Variants in PBX1 observed in about 807,000 individuals in gnomAD.
The protein encoded by PBX1 is pre-B-cell leukemia transcription factor 1.
PBX1 carries 6 observed loss-of-function variants against 53.4 expected under a neutral mutation model. The observed-to-expected ratio is 0.11, with a 90% CI of 0.06 to 0.22. The LOEUF (loss-of-function observed/expected upper bound fraction) is 0.22. Ranked by LOEUF, PBX1 falls within the 10% of genes least tolerant of loss-of-function variation. The probability of loss-of-function intolerance (pLI) is 1.00; values close to 1 mark genes in which losing one functional copy is unlikely to be tolerated. For synonymous variants in PBX1, 204 were observed against 212.3 expected, an observed-to-expected ratio of 0.96 and a Z score of 0.34; for missense variants, 251 against 551.4, an observed-to-expected ratio of 0.46 and a Z score of 5.46.
At chr1:164,646,797 A>G (rs1270298866) in intron 2 of PBX1, among the ~76,000 whole-genome samples, 1 of 152,212 alleles carries the variant, frequency 6.6e-6, no homozygotes, top group Non-Finnish European at 1.5e-5. Flanking sequence ...ATTTCAGTAC[A>G]TGCAGTTTTT....
chr1:164,879,558 T>C (rs569467476), intron 2 of PBX1, among the ~76,000 whole-genome samples: 1 of 152,286 alleles, frequency 6.6e-6, no homozygotes, highest in East Asian at 1.9e-4. Context: ...TGTTTGAAGA[T>C]AACTGAGCCC....
intron 2 of PBX1, among the ~76,000 whole-genome samples, chr1:164,655,176 C>T (rs375356528): frequency 1.4e-4 from 21 of 148,616 alleles, no homozygotes; most frequent in Admixed American, 5.4e-4. Context: ...TGCAATGGTG[C>T]GATCTCAGCT....
At chr1:164,825,156 C>T (rs1454425137) in intron 8 of PBX1, among the ~76,000 whole-genome samples, 1 of 151,756 alleles carries the variant, frequency 6.6e-6, no homozygotes, top group Admixed American at 6.6e-5. Context: ...TTTCCCCTTA[C>T]ATTTACTCAT....
chr1:164,592,940 C>T (rs545389893), intron 2 of PBX1, among the ~76,000 whole-genome samples: 18 of 151,946 alleles, frequency 1.2e-4, no homozygotes, highest in African/African-American at 4.3e-4. Flanking sequence ...TTGTATGTAG[C>T]ACACAATCCT....
At position 164,846,921 on chromosome 1, in the gene PBX1, GT is replaced by G. The variant is rs1558043065; in HGVS notation, c.*249del. 7.3e-7 allele frequency: 1 copy of G among 1,363,272 alleles called. No homozygotes were observed. The highest frequency in any genetic ancestry group is 9.5e-7 in the Non-Finnish European group (1 of 1,056,240). The allele number at this position is 1,363,272 out of a possible 1,614,324, so 84.4% of individuals were successfully genotyped here. On this transcript the variant is annotated 3_prime_UTR_variant, in exon 9 of 9. Transcript: ENST00000420696. ...TTCCCTGCCTCCAGCTGTCAGCCTG[GT>G]TTTCGTCATCTTCCCTGCCCCTGTG...
At chr1:164,706,302 G>C (rs1226149218) in intron 2 of PBX1, among the ~76,000 whole-genome samples, 3 of 152,132 alleles carry the variant, frequency 2.0e-5, no homozygotes, top group Non-Finnish European at 4.4e-5. Flanking sequence ...GCCTTAAGAA[G>C]TATGGTGTGA....
chr1:164,849,373 C>T lies in PBX1; in HGVS notation c.*2697C>T. On this transcript the variant is annotated 3_prime_UTR_variant, in exon 9 of 9. Transcript: ENST00000420696. ...CCGGCACCCCCGGCAAGCCCACTAT[C>T]ACTTCCGACTTCCAACGTGGCATCC... 1.3e-6 allele frequency: 2 copies of T among 1,535,734 alleles called. No homozygotes were observed. Among genetic ancestry groups the T allele is most frequent in the Non-Finnish European group, 1.7e-6 (2 of 1,146,802 alleles).
chr1:164,702,815 T>C (rs1212703955), intron 2 of PBX1, among the ~76,000 whole-genome samples: 1 of 152,152 alleles, frequency 6.6e-6, no homozygotes, highest in Non-Finnish European at 1.5e-5. Context: ...CTTCTTCTCG[T>C]TGACATTGTG....
chr1:164,877,349 TG>T (rs1672538493), intron 2 of PBX1, among the ~76,000 whole-genome samples: 1 of 152,156 alleles, frequency 6.6e-6, no homozygotes, highest in Non-Finnish European at 1.5e-5. Flanking sequence ...TTGTTTAATG[TG>T]CCAGATTTTG....
At chr1:164,579,796 G>A (rs1654487029) in intron 2 of PBX1, among the ~76,000 whole-genome samples, 1 of 152,148 alleles carries the variant, frequency 6.6e-6, no homozygotes, top group South Asian at 2.1e-4. Flanking sequence ...ATACTTTCCT[G>A]TATGAAACAG....
intron 4 of PBX1, among the ~76,000 whole-genome samples, chr1:164,801,175 C>T (rs1199396476): frequency 2.0e-5 from 3 of 152,066 alleles, no homozygotes; most frequent in African/African-American, 4.8e-5. Context: ...AAAGTAAAAA[C>T]GAAGGCCGTT....
intron 2 of PBX1, among the ~76,000 whole-genome samples, chr1:164,568,605 AAAT>A (rs533597025): frequency 3.9e-4 from 59 of 152,348 alleles, no homozygotes; most frequent in Admixed American, 3.1e-3. Context: ...TGGGTTATGT[AAAT>A]AATTAAGGCA....
At position 164,783,096 on chromosome 1, in the gene PBX1, C is replaced by G. The variant is rs542080944; in HGVS notation, c.266-9398C>G. 3.3e-5 allele frequency among the ~76,000 whole-genome samples: 5 copies of G among 152,250 alleles called. No homozygotes were observed. In the South Asian group the frequency reaches 1.0e-3, roughly 32 times the overall value. On this transcript the variant is annotated intron_variant, in intron 2 of 8. Transcript: ENST00000420696. ...AAGGGTCTTCCAGCCTCAGAAAGAC[C>G]GAGGCTTCCAGTGTGAGCTCTGCCA...
chr1:164,583,425 A>C (rs4143079), intron 2 of PBX1, among the ~76,000 whole-genome samples: 4,813 of 152,220 alleles, frequency 0.032, 374 homozygotes, highest in East Asian at 0.3. Flanking sequence ...GCCTCTCTGA[A>C]TCTCAGGTCA....
chr1:164,830,680 T>TA (rs1670710294), intron 8 of PBX1, among the ~76,000 whole-genome samples: 1 of 152,238 alleles, frequency 6.6e-6, no homozygotes, highest in Non-Finnish European at 1.5e-5. Context: ...TCTTTAAGTC[T>TA]AAACCCTGTA....
At chr1:164,778,964 C>T (rs530658304) in intron 2 of PBX1, among the ~76,000 whole-genome samples, 1 of 152,032 alleles carries the variant, frequency 6.6e-6, no homozygotes, top group African/African-American at 2.4e-5. Context: ...ACTCCCAGTA[C>T]CTCAGTTTCC....
chr1:164,791,839 G>T (rs935638570), intron 2 of PBX1, among the ~76,000 whole-genome samples: 1 of 151,734 alleles, frequency 6.6e-6, no homozygotes, highest in Non-Finnish European at 1.5e-5. Flanking sequence ...GGGGGGTGGG[G>T]GTGTGGAGTC....
chr1:164,826,421 T>C (rs966449980), intron 8 of PBX1, among the ~76,000 whole-genome samples: 6 of 152,164 alleles, frequency 3.9e-5, no homozygotes, highest in African/African-American at 1.4e-4. Context: ...TTCTTTTTTT[T>C]TGAGGCAGAG....
At chr1:164,740,426 A>T (rs746607406) in intron 2 of PBX1, among the ~76,000 whole-genome samples, 1 of 152,168 alleles carries the variant, frequency 6.6e-6, no homozygotes, top group Non-Finnish European at 1.5e-5. Flanking sequence ...TAGTAGCCAG[A>T]CTTTATCCCT....
Sources: allele counts gnomAD v4.1 joint callset (sites outside exome capture counted in the v4.1 genomes callset), GRCh38; gene constraint gnomAD v4.1.1; transcripts MANE v1.5; gene names NCBI Gene and HGNC (gene_info 2026-07-23, HGNC 2026-07-21).